The following HS6ST3 variants were observed in gnomAD, a reference collection of about 807,000 sequenced individuals.
HS6ST3 encodes the protein heparan sulfate 6-O-sulfotransferase 3.
In HS6ST3, 12 loss-of-function variants were observed where a neutral mutation model predicts 36.7. That is an observed-to-expected ratio of 0.33 (90% confidence interval 0.21 to 0.53). The LOEUF (loss-of-function observed/expected upper bound fraction) is 0.53, where lower values mean the gene tolerates loss of function less well. Ranked by LOEUF, HS6ST3 falls within the 20% of genes least tolerant of loss-of-function variation. The pLI is 0.95. For synonymous variants in HS6ST3, 240 were observed against 257.5 expected, an observed-to-expected ratio of 0.93 and a Z score of 0.65; for missense variants, 584 against 640.9, an observed-to-expected ratio of 0.91 and a Z score of 0.96.
chr13:96,627,602 T>G (rs1594821733), intron 1 of HS6ST3, among the ~76,000 whole-genome samples: 2 of 152,012 alleles, frequency 1.3e-5, no homozygotes, highest in East Asian at 3.8e-4. Flanking sequence ...CTAGTATTTT[T>G]TATTTCTTGA....
chr13:96,173,665 G>A (rs2054198899), intron 1 of HS6ST3, among the ~76,000 whole-genome samples: 1 of 79,400 alleles, frequency 1.3e-5, no homozygotes, highest in Admixed American at 1.7e-4. Context: ...AGAGTCACAG[G>A]TTGTAAAAAA....
intron 1 of HS6ST3, among the ~76,000 whole-genome samples, chr13:96,229,835 C>A (rs2054499343): frequency 6.6e-6 from 1 of 152,132 alleles, no homozygotes; most frequent in South Asian, 2.1e-4. Context: ...AAATAAAGGG[C>A]ACATTGCAAG....
chr13:96,260,787 G>A (rs9300339), intron 1 of HS6ST3, among the ~76,000 whole-genome samples: 58,027 of 151,716 alleles, frequency 0.38, 11,664 homozygotes, highest in East Asian at 0.48. Flanking sequence ...CTACAGGCAC[G>A]CACCACCACA....
chr13:96,215,647 T>C (rs2054421803), intron 1 of HS6ST3, among the ~76,000 whole-genome samples: 1 of 152,128 alleles, frequency 6.6e-6, no homozygotes, highest in Non-Finnish European at 1.5e-5. Context: ...TTTTTTCTGT[T>C]GAATTTTTTC....
chr13:96,832,515 C>T lies in HS6ST3; in HGVS notation c.733C>T (p.Arg245Trp), dbSNP rs1878823910. The T allele has an allele frequency of 2.5e-6, 4 of 1,586,396 alleles. No individual in the cohort carries two copies. Among genetic ancestry groups the T allele is most frequent in the Non-Finnish European group, 1.7e-6 (2 of 1,167,884 alleles). Residue 245 changes from arginine to tryptophan, a missense_variant, in exon 2 of 2, where the codon CGG becomes TGG. This residue lies in a region of HS6ST3 where 360 missense variants were observed against 411.3 expected (regional missense o/e 0.88). Coordinates refer to ENST00000376705, the MANE Select transcript of HS6ST3 (RefSeq NM_153456.4). ...TRNFYYITML[R>W]DPVSRYLSEW... ...GAATTTCTATTACATCACAATGTTA[C>T]GGGATCCAGTGTCACGTTACCTGAG...
chr13:96,094,296 G>A (rs965457771), intron 1 of HS6ST3, among the ~76,000 whole-genome samples: 6 of 152,064 alleles, frequency 3.9e-5, no homozygotes, highest in Middle Eastern at 3.2e-3. Flanking sequence ...CTGGCATATC[G>A]TGCTTACTAT....
intron 1 of HS6ST3, among the ~76,000 whole-genome samples, chr13:96,210,145 T>C (rs2054391916): frequency 6.6e-6 from 1 of 152,240 alleles, no homozygotes; most frequent in Non-Finnish European, 1.5e-5. Flanking sequence ...CCAGTTTAAT[T>C]AAATATGCCT....
At chr13:96,275,595 T>C (rs1431790647) in intron 1 of HS6ST3, among the ~76,000 whole-genome samples, 1 of 152,214 alleles carries the variant, frequency 6.6e-6, no homozygotes, top group African/African-American at 2.4e-5. Flanking sequence ...CTTTCTCCAG[T>C]TACCTACATG....
At chr13:96,456,647 G>A (rs1402820126) in intron 1 of HS6ST3, among the ~76,000 whole-genome samples, 1 of 152,084 alleles carries the variant, frequency 6.6e-6, no homozygotes, top group African/African-American at 2.4e-5. Flanking sequence ...AGTTAGCTGA[G>A]AAAGTGATCT....
chr13:96,551,346 C>T (rs2056218807), intron 1 of HS6ST3, among the ~76,000 whole-genome samples: 1 of 152,002 alleles, frequency 6.6e-6, no homozygotes, highest in Non-Finnish European at 1.5e-5. Flanking sequence ...TTTCTTCTTT[C>T]TGAGCATTGA....
chr13:96,146,619 A>G (rs1021752446), intron 1 of HS6ST3, among the ~76,000 whole-genome samples: 28 of 152,182 alleles, frequency 1.8e-4, no homozygotes, highest in African/African-American at 5.5e-4. Flanking sequence ...ACAGTTATCA[A>G]TCATGTCATA....
intron 1 of HS6ST3, among the ~76,000 whole-genome samples, chr13:96,141,942 CT>C (rs1328609536): frequency 6.7e-6 from 1 of 150,214 alleles, no homozygotes; most frequent in East Asian, 2.0e-4. Flanking sequence ...CACTAAATTC[CT>C]GCTGAAGAAA....
In HS6ST3 at chr13:96,431,228, C is replaced by CA. The variant is rs1394212250; in HGVS notation, c.707+339661dup. On this transcript the variant is annotated intron_variant, in intron 1 of 1. Coordinates refer to ENST00000376705, the MANE Select transcript of HS6ST3 (RefSeq NM_153456.4). ...CTAAAACAAAAAACAAACAAACAAA[C>CA]AACAACAACAACAACAACAACAACA... 2.3e-4 allele frequency among the ~76,000 whole-genome samples: 5 copies of CA among 21,538 alleles called. No homozygotes were observed. In the East Asian group the frequency reaches 9.9e-3, roughly 43 times the overall value. The allele number at this position is 21,538 out of a possible 152,430, so 14.1% of individuals were successfully genotyped here. A position where few individuals can be genotyped will look rare whatever the true frequency, so the allele number is the denominator to read the frequency against.
intron 1 of HS6ST3, among the ~76,000 whole-genome samples, chr13:96,181,559 G>C (rs2054240102): frequency 6.6e-6 from 1 of 152,170 alleles, no homozygotes; most frequent in African/African-American, 2.4e-5. Flanking sequence ...CCCTGGCCTG[G>C]TGGAGTTGCA....
At chr13:96,291,974 G>A (rs1161487160) in intron 1 of HS6ST3, among the ~76,000 whole-genome samples, 1 of 152,108 alleles carries the variant, frequency 6.6e-6, no homozygotes, top group Non-Finnish European at 1.5e-5. Flanking sequence ...ATTACAAGAT[G>A]CTAAGAGTTA....
intron 1 of HS6ST3, among the ~76,000 whole-genome samples, chr13:96,787,371 A>G (rs1466132700): frequency 1.3e-5 from 2 of 152,124 alleles, no homozygotes; most frequent in Non-Finnish European, 2.9e-5. Context: ...TATGAAAATT[A>G]CAGTTGTTTC....
chr13:96,108,683 C>A (rs1047872133), intron 1 of HS6ST3, among the ~76,000 whole-genome samples: 2 of 151,984 alleles, frequency 1.3e-5, no homozygotes, highest in African/African-American at 4.8e-5. Flanking sequence ...TAGAAAAGAA[C>A]CCATGTTAAA....
At chr13:96,783,569 CT>C (rs113084867) in intron 1 of HS6ST3, among the ~76,000 whole-genome samples, 1,464 of 140,412 alleles carry the variant, frequency 0.01, 11 homozygotes, top group African/African-American at 0.029. Flanking sequence ...AAAAATAAAG[CT>C]TTTTTTTTTT....
chr13:96,415,517 G>A (rs1302618973), intron 1 of HS6ST3, among the ~76,000 whole-genome samples: 1 of 152,220 alleles, frequency 6.6e-6, no homozygotes, highest in Non-Finnish European at 1.5e-5. Flanking sequence ...TGCTGGTTCT[G>A]CTTAATGAAG....
Sources: allele counts gnomAD v4.1 joint callset (sites outside exome capture counted in the v4.1 genomes callset), GRCh38; gene constraint gnomAD v4.1.1; regional missense constraint gnomAD v4.1.1; transcripts MANE v1.5; gene names NCBI Gene and HGNC (gene_info 2026-07-23, HGNC 2026-07-21).